THSD7B: variants seen among roughly 807,000 people sequenced by gnomAD.
The protein encoded by THSD7B is thrombospondin type-1 domain-containing protein 7B.
In THSD7B, 138 loss-of-function variants were observed where a neutral mutation model predicts 213.6. That is an observed-to-expected ratio of 0.65 (90% CI 0.56 to 0.74). The LOEUF (loss-of-function observed/expected upper bound fraction) is 0.74. THSD7B is among the 30% of genes least tolerant of loss of function. THSD7B has a pLI of 0.00. For missense variants in THSD7B, 1,931 were observed against 1,991.5 expected, an observed-to-expected ratio of 0.97 and a Z score of 0.58; for synonymous variants, 742 against 687.0, an observed-to-expected ratio of 1.08 and a Z score of -1.25.
Position 137,386,812 on chromosome 2 carries a change from A to G in THSD7B, c.2501-18801A>G, listed in dbSNP as rs147002888. Among the ~76,000 whole-genome samples the G allele has an allele frequency of 1.0e-3, 158 of 152,356 alleles. 1 individual carries two copies. The highest frequency in any genetic ancestry group is 3.6e-3 in the African/African-American group (150 of 41,580). ...AAGACCAGCCATTTAGTAATAGTTA[A>G]TAATCTGCTGATTTGAGACATCATT... On this transcript the variant is annotated intron_variant, in intron 12 of 27. Coordinates refer to ENST00000409968, the MANE Select transcript of THSD7B (RefSeq NM_001316349.2).
intron 3 of THSD7B, among the ~76,000 whole-genome samples, chr2:137,064,888 A>G (rs985689714): frequency 6.6e-6 from 1 of 151,592 alleles, no homozygotes; most frequent in African/African-American, 2.4e-5. Flanking sequence ...TGGCAGTACC[A>G]TACTGTTTTG....
intron 14 of THSD7B, among the ~76,000 whole-genome samples, chr2:137,449,027 T>C (rs992545400): frequency 3.3e-5 from 5 of 152,172 alleles, no homozygotes; most frequent in African/African-American, 1.2e-4. Flanking sequence ...ATAAAGGCAA[T>C]GGGGAGTTAG....
At chr2:137,310,609 G>A (rs569965882) in intron 12 of THSD7B, among the ~76,000 whole-genome samples, 3 of 151,920 alleles carry the variant, frequency 2.0e-5, no homozygotes, top group South Asian at 2.1e-4. Context: ...TAATGCCTAG[G>A]TTTTCTTCTA....
At chr2:137,090,238 A>G (rs999353647) in intron 3 of THSD7B, among the ~76,000 whole-genome samples, 1 of 152,136 alleles carries the variant, frequency 6.6e-6, no homozygotes, top group Non-Finnish European at 1.5e-5. Flanking sequence ...ATTTAAGGAT[A>G]GTAGCTATGT....
chr2:137,427,897 A>G (rs1263911129), intron 14 of THSD7B, among the ~76,000 whole-genome samples: 1 of 152,150 alleles, frequency 6.6e-6, no homozygotes, highest in Admixed American at 6.5e-5. Flanking sequence ...TGCTTGTTGG[A>G]AATCATTTTG....
At chr2:137,473,440 C>T (rs952299092) in intron 15 of THSD7B, among the ~76,000 whole-genome samples, 2 of 152,052 alleles carry the variant, frequency 1.3e-5, no homozygotes, top group African/African-American at 2.4e-5. Context: ...TATCTCCTGA[C>T]CTCATGATCC....
chr2:136,937,192 C>T (rs115359793), intron 2 of THSD7B, among the ~76,000 whole-genome samples: 4,680 of 152,036 alleles, frequency 0.031, 108 homozygotes, highest in South Asian at 0.073. Context: ...CTTACTCTTG[C>T]ATTTACTCAG....
intron 15 of THSD7B, among the ~76,000 whole-genome samples, chr2:137,481,635 G>T (rs1237183571): frequency 6.6e-6 from 1 of 152,160 alleles, no homozygotes; most frequent in East Asian, 1.9e-4. Context: ...GAGCAATAAA[G>T]AAATGAATAA....
chr2:137,563,069 A>AATCT, intron 15 of THSD7B, 152 bp from the exon 16 acceptor site: 2 of 750,774 alleles, frequency 2.7e-6, no homozygotes. Context: ...AGAGAAGCCA[A>AATCT]ATCTATCTTG....
At chr2:136,944,392 T>C (rs1396747278) in intron 2 of THSD7B, among the ~76,000 whole-genome samples, 1 of 152,214 alleles carries the variant, frequency 6.6e-6, no homozygotes, top group Non-Finnish European at 1.5e-5. Context: ...TAAATGTCTA[T>C]TAGGTCTGCT....
chr2:136,859,206 A>G (rs1683223134), intron 1 of THSD7B, among the ~76,000 whole-genome samples: 1 of 152,240 alleles, frequency 6.6e-6, no homozygotes, highest in Admixed American at 6.5e-5. Context: ...CATCTTCACT[A>G]TGAACAATGC....
chr2:137,369,502 AAAG>A (rs1303366567), intron 12 of THSD7B, among the ~76,000 whole-genome samples: 2 of 152,166 alleles, frequency 1.3e-5, no homozygotes, highest in Non-Finnish European at 2.9e-5. Context: ...AGAAATGGAG[AAAG>A]AAGAACATGG....
chr2:137,485,490 G>A (rs774857375), intron 15 of THSD7B, among the ~76,000 whole-genome samples: 2 of 152,172 alleles, frequency 1.3e-5, no homozygotes, highest in African/African-American at 4.8e-5. Flanking sequence ...ACTTAGGATT[G>A]ACTTGGCGAT....
intron 2 of THSD7B, among the ~76,000 whole-genome samples, chr2:136,951,933 A>C (rs2105073142): frequency 6.6e-6 from 1 of 152,186 alleles, no homozygotes; most frequent in South Asian, 2.1e-4. Flanking sequence ...GCAGTGGTGC[A>C]ATCTCAGCTC....
intron 13 of THSD7B, among the ~76,000 whole-genome samples, chr2:137,408,489 T>TAA (rs1006849143): frequency 1.3e-5 from 2 of 152,198 alleles, no homozygotes; most frequent in Non-Finnish European, 2.9e-5. Flanking sequence ...TAATTGGAGA[T>TAA]ACGGTGAGAT....
chr2:137,203,541 A>G (rs1056691384), intron 7 of THSD7B, among the ~76,000 whole-genome samples: 13 of 152,006 alleles, frequency 8.6e-5, no homozygotes, highest in African/African-American at 2.9e-4. Context: ...CCAAAATTCC[A>G]TATTTCTTTT....
At chr2:137,496,192 A>G (rs1679560925) in intron 15 of THSD7B, among the ~76,000 whole-genome samples, 1 of 152,174 alleles carries the variant, frequency 6.6e-6, no homozygotes, top group African/African-American at 2.4e-5. Context: ...AAGACTTACA[A>G]GCTCAGTTAA....
chr2:136,898,355 T>C (rs1482583839), intron 2 of THSD7B, among the ~76,000 whole-genome samples: 1 of 152,216 alleles, frequency 6.6e-6, no homozygotes, highest in East Asian at 1.9e-4. Flanking sequence ...GACAAAGAAA[T>C]GCAATAGATT....
At chr2:137,140,598 A>AT (rs1265078987) in intron 5 of THSD7B, among the ~76,000 whole-genome samples, 7 of 78,120 alleles carry the variant, frequency 9.0e-5, no homozygotes, top group East Asian at 4.3e-4. Context: ...CATTATTCTT[A>AT]ATTTTTTGCC....
Sources: allele counts gnomAD v4.1 joint callset (sites outside exome capture counted in the v4.1 genomes callset), GRCh38; gene constraint gnomAD v4.1.1; transcripts MANE v1.5; gene names NCBI Gene and HGNC (gene_info 2026-07-23, HGNC 2026-07-21).